THSD7A: variants seen among roughly 807,000 people sequenced by gnomAD.
THSD7A encodes thrombospondin type 1 domain containing 7A.
A neutral mutation model predicts 231.3 loss-of-function variants in THSD7A; 96 were observed. That is an observed-to-expected ratio of 0.41 (90% CI 0.35 to 0.49). The LOEUF (loss-of-function observed/expected upper bound fraction) is 0.49. THSD7A is among the 20% of genes least tolerant of loss of function. The probability of loss-of-function intolerance (pLI) is 0.05; values close to 1 mark genes in which losing one functional copy is unlikely to be tolerated. For missense variants in THSD7A, 2,290 were observed against 2,070.2 expected, an observed-to-expected ratio of 1.11 and a Z score of -2.06; for synonymous variants, 940 against 743.3, an observed-to-expected ratio of 1.26 and a Z score of -4.30.
chr7:11,685,866 A>C (rs2354969), intron 1 of THSD7A, among the ~76,000 whole-genome samples: 2 of 151,672 alleles, frequency 1.3e-5, no homozygotes, highest in Non-Finnish European at 2.9e-5. Flanking sequence ...CCCATTACTG[A>C]GTATTACACA....
chr7:11,394,686 GC>G (rs1323936227), intron 23 of THSD7A, among the ~76,000 whole-genome samples: 1 of 152,146 alleles, frequency 6.6e-6, no homozygotes, highest in African/African-American at 2.4e-5. Context: ...TTTGCTCCAG[GC>G]TTTTGGAATC....
intron 1 of THSD7A, among the ~76,000 whole-genome samples, chr7:11,788,690 G>A (rs1223724873): frequency 1.3e-5 from 2 of 151,944 alleles, no homozygotes; most frequent in Non-Finnish European, 2.9e-5. Context: ...CACAGGCTCT[G>A]GATCAGACTG....
chr7:11,508,689 C>T (rs7810931), intron 6 of THSD7A, among the ~76,000 whole-genome samples: 19,941 of 152,194 alleles, frequency 0.13, 1,429 homozygotes, highest in Middle Eastern at 0.21. Flanking sequence ...CATGTGGTAA[C>T]AACCTAAGTG....
chr7:11,382,016 T>C (rs1782535811), intron 24 of THSD7A, among the ~76,000 whole-genome samples: 1 of 152,174 alleles, frequency 6.6e-6, no homozygotes, highest in Non-Finnish European at 1.5e-5. Context: ...TGGTCTGGGT[T>C]TGAAATTTAC....
intron 6 of THSD7A, among the ~76,000 whole-genome samples, chr7:11,506,917 G>C (rs901909586): frequency 6.6e-6 from 1 of 152,022 alleles, no homozygotes; most frequent in African/African-American, 2.4e-5. Flanking sequence ...TTGATATGTT[G>C]ATCATGAACT....
chr7:11,386,358 C>G (rs1205971921), intron 23 of THSD7A, among the ~76,000 whole-genome samples: 2 of 152,168 alleles, frequency 1.3e-5, no homozygotes, highest in African/African-American at 2.4e-5. Context: ...TCCTGTTTCT[C>G]CATATCCTCT....
intron 6 of THSD7A, among the ~76,000 whole-genome samples, chr7:11,505,445 AGT>A (rs1491222204): frequency 8.8e-5 from 12 of 136,802 alleles, no homozygotes. Flanking sequence ...ACCAGTGTAA[AGT>A]TTTTTTTTTT....
chr7:11,392,451 T>TG (rs1391564773), intron 23 of THSD7A, among the ~76,000 whole-genome samples: 1 of 152,074 alleles, frequency 6.6e-6, no homozygotes, highest in African/African-American at 2.4e-5. Context: ...CAAAACTGGG[T>TG]GGCTGTTTGG....
At position 11,444,917 on chromosome 7, in the gene THSD7A, A is replaced by G. The variant is rs1257569248; in HGVS notation, c.3064+1144T>C. ...TATAAAATGCTGTATATATATAATG[A>G]AACTATATATGTATATATAGAATGA... On this transcript the variant is annotated intron_variant, in intron 13 of 27. Coordinates refer to ENST00000423059, the MANE Select transcript of THSD7A (RefSeq NM_015204.3). This position sits in a 1 kb window ranked among gnomAD's most constrained non-coding sequence, Gnocchi z 4.2. Among the ~76,000 whole-genome samples the G allele has an allele frequency of 6.8e-6, 1 of 147,884 alleles. No homozygotes were observed. Among genetic ancestry groups the G allele is most frequent in the Non-Finnish European group, 1.5e-5 (1 of 67,170 alleles).
chr7:11,810,135 G>C (rs1428157202), intron 1 of THSD7A, among the ~76,000 whole-genome samples: 3 of 152,172 alleles, frequency 2.0e-5, no homozygotes, highest in African/African-American at 7.2e-5. Context: ...GGCAGATTTA[G>C]AAAGAACAAG....
intron 11 of THSD7A, among the ~76,000 whole-genome samples, chr7:11,457,508 A>G (rs572937278): frequency 7.0e-4 from 106 of 152,106 alleles, no homozygotes; most frequent in African/African-American, 2.3e-3. Flanking sequence ...TGTTGTTTCT[A>G]TGACTTCAAC....
At chr7:11,793,618 AATAATT>A (rs1375803096) in intron 1 of THSD7A, among the ~76,000 whole-genome samples, 1 of 151,802 alleles carries the variant, frequency 6.6e-6, no homozygotes, top group Non-Finnish European at 1.5e-5. Context: ...AAAGTACAAG[AATAATT>A]ATAAAGGGAA....
intron 4 of THSD7A, among the ~76,000 whole-genome samples, chr7:11,546,288 C>A (rs1196279304): frequency 3.3e-5 from 5 of 152,070 alleles, no homozygotes; most frequent in African/African-American, 7.2e-5. Context: ...CAAGTGTGGA[C>A]CCCATTGTCA....
chr7:11,767,912 T>C (rs1783082486), intron 1 of THSD7A, among the ~76,000 whole-genome samples: 2 of 152,244 alleles, frequency 1.3e-5, no homozygotes, highest in Admixed American at 6.5e-5. Context: ...GAAGGAGAGA[T>C]GACTTTAAGA....
In THSD7A at chr7:11,772,187, A is replaced by G. The variant is rs564704328; in HGVS notation, c.190+59570T>C. Among the ~76,000 whole-genome samples, 323 of 147,244 alleles carry G rather than the reference A, an allele frequency of 2.2e-3. 1 individual carries two copies. Among genetic ancestry groups the G allele is most frequent in the Non-Finnish European group, 3.8e-3 (256 of 67,102 alleles). On this transcript the variant is annotated intron_variant, in intron 1 of 27. Transcript: ENST00000423059. ...ATACTATCTCACACCAGTCAGAATT[A>G]TTATTATTAAAAAGTTAAAACAAAA...
chr7:11,425,242 T>A (rs189357993), intron 15 of THSD7A, among the ~76,000 whole-genome samples: 140 of 152,272 alleles, frequency 9.2e-4, no homozygotes, highest in African/African-American at 3.3e-3. Context: ...AGGATGAGGA[T>A]TGATGAATCA....
intron 1 of THSD7A, among the ~76,000 whole-genome samples, chr7:11,776,535 C>A (rs1783411522): frequency 6.6e-6 from 1 of 152,076 alleles, no homozygotes; most frequent in South Asian, 2.1e-4. Context: ...TATTTTATGA[C>A]TTTATTCATA....
At chr7:11,736,509 G>A (rs139394895) in intron 1 of THSD7A, among the ~76,000 whole-genome samples, 31 of 147,648 alleles carry the variant, frequency 2.1e-4, no homozygotes, top group African/African-American at 7.8e-4. Flanking sequence ...TTTCAAGACA[G>A]GTAAACATGT....
chr7:11,800,232 G>A (rs1401792350), intron 1 of THSD7A, among the ~76,000 whole-genome samples: 1 of 152,092 alleles, frequency 6.6e-6, no homozygotes, highest in African/African-American at 2.4e-5. Context: ...GAAACATAAC[G>A]AAACACTATT....
Sources: gnomAD v4.1 joint callset for allele counts (sites outside exome capture counted in the v4.1 genomes callset) on GRCh38, gnomAD v4.1.1 for gene constraint, Gnocchi (gnomAD v3.1) non-coding constraint, MANE v1.5 for transcripts, NCBI Gene and HGNC (gene_info 2026-07-23, HGNC 2026-07-21) for gene names.